The following PPFIA2 variants were observed in gnomAD, a reference collection of about 807,000 sequenced individuals.
The protein encoded by PPFIA2 is liprin-alpha-2.
A neutral mutation model predicts 175.5 loss-of-function variants in PPFIA2; 46 were observed. That is an observed-to-expected ratio of 0.26 (90% CI 0.21 to 0.34). The LOEUF is 0.34. PPFIA2 is among the 10% of genes least tolerant of loss of function. The probability of loss-of-function intolerance (pLI) is 1.00; values close to 1 mark genes in which losing one functional copy is unlikely to be tolerated. For missense variants in PPFIA2, 1,179 were observed against 1,506.1 expected (o/e 0.78, Z 3.60); for synonymous variants, 568 against 511.4 (o/e 1.11, Z -1.49).
intron 21 of PPFIA2, among the ~76,000 whole-genome samples, chr12:81,327,554 A>G (rs2055077679): frequency 6.6e-6 from 1 of 152,132 alleles, no homozygotes; most frequent in South Asian, 2.1e-4. Flanking sequence ...TGAATGAGTC[A>G]CTTAAAAGTT....
intron 2 of PPFIA2, among the ~76,000 whole-genome samples, chr12:81,755,316 C>T (rs2084468805): frequency 1.3e-5 from 2 of 152,140 alleles, no homozygotes; most frequent in South Asian, 4.1e-4. Context: ...AAAAGTCAAA[C>T]TCATCTCAAT....
At chr12:81,637,291 A>G (rs2064228284) in intron 4 of PPFIA2, among the ~76,000 whole-genome samples, 19 of 88,652 alleles carry the variant, frequency 2.1e-4, no homozygotes, top group East Asian at 8.1e-4. Context: ...TTTAGTAGAG[A>G]TGGGGTTTCT....
At chr12:81,643,503 T>G (rs1197818844) in intron 4 of PPFIA2, among the ~76,000 whole-genome samples, 1 of 152,018 alleles carries the variant, frequency 6.6e-6, no homozygotes, top group African/African-American at 2.4e-5. Flanking sequence ...TTTACTTGAA[T>G]TACATTTGGT....
chr12:81,385,531 G>A (rs916465349), intron 8 of PPFIA2, among the ~76,000 whole-genome samples: 2 of 150,366 alleles, frequency 1.3e-5, no homozygotes, highest in Admixed American at 6.7e-5. Context: ...CAGTTTCTAA[G>A]AAGAAGGAAA....
At chr12:81,474,309 G>A (rs377323278) in intron 4 of PPFIA2, among the ~76,000 whole-genome samples, 11 of 152,046 alleles carry the variant, frequency 7.2e-5, no homozygotes, top group East Asian at 5.8e-4. Context: ...GGCATCTACC[G>A]CCAAGCACAG....
chr12:81,463,097 TA>T (rs2054947091), intron 4 of PPFIA2, among the ~76,000 whole-genome samples: 1 of 152,076 alleles, frequency 6.6e-6, no homozygotes, highest in African/African-American at 2.4e-5. Flanking sequence ...TCCATATATA[TA>T]AAAATGTATG....
At chr12:81,656,432 G>A (rs2067803635) in intron 4 of PPFIA2, among the ~76,000 whole-genome samples, 2 of 152,164 alleles carry the variant, frequency 1.3e-5, no homozygotes, top group Admixed American at 1.3e-4. Context: ...GGTGTATGCG[G>A]AAGATTTCTC....
intron 4 of PPFIA2, among the ~76,000 whole-genome samples, chr12:81,649,284 T>A (rs1299223524): frequency 6.6e-6 from 1 of 152,160 alleles, no homozygotes. Flanking sequence ...GTAACTTTAA[T>A]GGGCATATAG....
rs931372045 is a variant in PPFIA2, at chr12:81,598,108, G to A, written c.303+78683C>T. The A allele has an allele frequency of 9.2e-6, 14 of 1,527,876 alleles. 1 individual carries two copies. Among genetic ancestry groups the A allele is most frequent in the East Asian group, 7.4e-5 (3 of 40,774 alleles). The allele number at this position is 1,527,876 out of a possible 1,614,324, so 94.6% of individuals were successfully genotyped here. Reference sequence around the variant, plus strand: ...GAGAGCTTAGCGTACAGATAAATCCGTGCATGCATTGAGGGAGACTAGAGG... The same window carrying A: ...GAGAGCTTAGCGTACAGATAAATCCATGCATGCATTGAGGGAGACTAGAGG... On this transcript the variant is annotated intron_variant, in intron 4 of 32. Transcript: ENST00000549396.
intron 27 of PPFIA2, chr12:81,279,071 G>A (rs977957476): frequency 6.6e-6 from 1 of 152,182 alleles, no homozygotes; most frequent in Non-Finnish European, 1.5e-5. Flanking sequence ...TGGAGATAGT[G>A]CCCTTAAAGA....
intron 4 of PPFIA2, among the ~76,000 whole-genome samples, chr12:81,664,809 T>C (rs2069779374): frequency 6.6e-6 from 1 of 152,082 alleles, no homozygotes. Flanking sequence ...AATGATAGAC[T>C]GGATTAAGAA....
At position 81,642,707 on chromosome 12, in the gene PPFIA2, T is replaced by TTATATACATA; in HGVS notation, c.303+34083_303+34084insTATGTATATA. Among the ~76,000 whole-genome samples the TTATATACATA allele has an allele frequency of 2.9e-5, 2 of 69,866 alleles. 1 individual carries two copies. Among genetic ancestry groups the TTATATACATA allele is most frequent in the Non-Finnish European group, 7.1e-5 (2 of 28,100 alleles). 45.8% of individuals were successfully genotyped at this position (69,866 alleles called of 152,430 possible). A position where few individuals can be genotyped will look rare whatever the true frequency, so the allele number is the denominator to read the frequency against. ...TCTATTATATACATACATGTATATG[T>TTATATACATA]ATGTATGTATTATATACATACATGT... On this transcript the variant is annotated intron_variant, in intron 4 of 32. Coordinates refer to ENST00000549396, the MANE Select transcript of PPFIA2 (RefSeq NM_003625.5).
intron 4 of PPFIA2, among the ~76,000 whole-genome samples, chr12:81,594,089 T>C (rs150419133): frequency 6.6e-6 from 1 of 152,246 alleles, no homozygotes; most frequent in Non-Finnish European, 1.5e-5. Context: ...GAGGGATCTA[T>C]GTTGCACCTG....
chr12:81,677,070 G>T (rs746685494), intron 3 of PPFIA2, among the ~76,000 whole-genome samples: 1 of 151,884 alleles, frequency 6.6e-6, no homozygotes, highest in Non-Finnish European at 1.5e-5. Context: ...CATGTAAACA[G>T]ATTTTTTTAA....
intron 22 of PPFIA2, among the ~76,000 whole-genome samples, chr12:81,310,082 C>G (rs900924909): frequency 6.6e-6 from 1 of 152,004 alleles, no homozygotes; most frequent in African/African-American, 2.4e-5. Flanking sequence ...TTAGATTGCT[C>G]TAGTGTTTCA....
chr12:81,647,618 G>A (rs532740059), intron 4 of PPFIA2, among the ~76,000 whole-genome samples: 9 of 151,180 alleles, frequency 6.0e-5, no homozygotes, highest in East Asian at 2.0e-4. Flanking sequence ...AAAATTAGCC[G>A]GGCGTGGTGG....
chr12:81,695,544 C>T (rs1187296901), intron 3 of PPFIA2, among the ~76,000 whole-genome samples: 1 of 152,120 alleles, frequency 6.6e-6, no homozygotes, highest in Non-Finnish European at 1.5e-5. Flanking sequence ...TCCTGTAAAA[C>T]CTACAAAACT....
At chr12:81,636,468 T>C (rs2064059895) in intron 4 of PPFIA2, among the ~76,000 whole-genome samples, 1 of 150,898 alleles carries the variant, frequency 6.6e-6, no homozygotes, top group Non-Finnish European at 1.5e-5. Flanking sequence ...GGTTTCACTG[T>C]GTTAGCCAGG....
intron 3 of PPFIA2, among the ~76,000 whole-genome samples, chr12:81,731,096 C>T (rs1430599102): frequency 6.6e-6 from 1 of 151,692 alleles, no homozygotes; most frequent in Non-Finnish European, 1.5e-5. Flanking sequence ...CTGCTACGCA[C>T]TACCCTACTA....
Sources: allele counts gnomAD v4.1 joint callset (sites outside exome capture counted in the v4.1 genomes callset), GRCh38; gene constraint gnomAD v4.1.1; transcripts MANE v1.5; gene names NCBI Gene and HGNC (gene_info 2026-07-23, HGNC 2026-07-21).